Variants in DDR2 observed in about 807,000 individuals in gnomAD.
DDR2 encodes the protein discoidin domain-containing receptor 2.
A neutral mutation model predicts 94.9 loss-of-function variants in DDR2; 27 were observed. The ratio of observed to expected loss-of-function variants is 0.28; its 90% CI spans 0.21 to 0.39. The LOEUF (loss-of-function observed/expected upper bound fraction) is 0.39, where lower values mean the gene tolerates loss of function less well. DDR2 is among the 10% of genes least tolerant of loss of function. The probability of loss-of-function intolerance (pLI) is 1.00; values close to 1 mark genes in which losing one functional copy is unlikely to be tolerated. For synonymous variants in DDR2, 382 were observed against 377.2 expected (o/e 1.01, Z -0.15); for missense variants, 783 against 1,076.0 (o/e 0.73, Z 3.81).
intron 3 of DDR2, among the ~76,000 whole-genome samples, chr1:162,729,294 A>ATTTT (rs1455925320): frequency 2.0e-4 from 6 of 30,026 alleles, no homozygotes; most frequent in African/African-American, 5.0e-4. Context: ...ATATATATAT[A>ATTTT]TATATATTTT....
At chr1:162,710,229 C>A (rs1432098300) in intron 2 of DDR2, among the ~76,000 whole-genome samples, 5 of 152,136 alleles carry the variant, frequency 3.3e-5, no homozygotes, top group Non-Finnish European at 7.4e-5. Context: ...TGGAGGGGAG[C>A]AAAGTAGTCT....
intron 2 of DDR2, among the ~76,000 whole-genome samples, chr1:162,659,637 C>T (rs1277344071): frequency 6.6e-5 from 10 of 152,144 alleles, no homozygotes; most frequent in Non-Finnish European, 2.9e-5. Flanking sequence ...GTGCGTTTTA[C>T]GTGCTCTAGC....
At chr1:162,688,798 A>G (rs527320252) in intron 2 of DDR2, among the ~76,000 whole-genome samples, 1 of 152,282 alleles carries the variant, frequency 6.6e-6, no homozygotes, top group East Asian at 1.9e-4. Flanking sequence ...GGAAAGTACC[A>G]AGAAGTAAAG....
At chr1:162,740,183 A>G (rs1662520614) in intron 3 of DDR2, among the ~76,000 whole-genome samples, 1 of 152,150 alleles carries the variant, frequency 6.6e-6, no homozygotes, top group African/African-American at 2.4e-5. Context: ...TGCAGGGGAG[A>G]TAGGACTCAC....
At chr1:162,748,585 A>C (rs561777275) in intron 3 of DDR2, among the ~76,000 whole-genome samples, 2 of 152,318 alleles carry the variant, frequency 1.3e-5, no homozygotes, top group East Asian at 3.9e-4. Flanking sequence ...TGTCAACATT[A>C]GACAGATCAA....
chr1:162,634,441 A>G (rs1656715819), intron 1 of DDR2, among the ~76,000 whole-genome samples: 1 of 152,214 alleles, frequency 6.6e-6, no homozygotes, highest in Non-Finnish European at 1.5e-5. Context: ...TCAAGGGCTT[A>G]CCCATATCAG....
At chr1:162,670,834 G>A (rs1210554587) in intron 2 of DDR2, among the ~76,000 whole-genome samples, 1 of 152,200 alleles carries the variant, frequency 6.6e-6, no homozygotes, top group Non-Finnish European at 1.5e-5. Context: ...CCAGAAGAAA[G>A]TGGTTATGTT....
At chr1:162,639,404 CA>C (rs1391336848) in intron 1 of DDR2, among the ~76,000 whole-genome samples, 1 of 152,164 alleles carries the variant, frequency 6.6e-6, no homozygotes, top group Admixed American at 6.6e-5. Context: ...GTATTTTCAA[CA>C]AATGGTGCTG....
intron 9 of DDR2, among the ~76,000 whole-genome samples, chr1:162,764,189 G>A (rs1262876766): frequency 6.6e-6 from 1 of 152,128 alleles, no homozygotes; most frequent in African/African-American, 2.4e-5. Context: ...ATACAGTTAG[G>A]TTCATTGTAT....
intron 9 of DDR2, among the ~76,000 whole-genome samples, chr1:162,765,787 A>G (rs1415614359): frequency 6.7e-6 from 1 of 149,492 alleles, no homozygotes; most frequent in Non-Finnish European, 1.5e-5. Context: ...AGTATGTAAT[A>G]TGTGAAACAA....
chr1:162,729,349 T>C (rs1661905792), intron 3 of DDR2, among the ~76,000 whole-genome samples: 1 of 146,546 alleles, frequency 6.8e-6, no homozygotes. Context: ...ATTGTTGACT[T>C]AGCTCTTGGT....
intron 1 of DDR2, among the ~76,000 whole-genome samples, chr1:162,653,123 CAAACAAACA>C (rs1432677389): frequency 1.1e-5 from 1 of 87,428 alleles, no homozygotes; most frequent in Admixed American, 1.2e-4. Flanking sequence ...AACAAGCAAA[CAAACAAACA>C]AAGAAACTTT....
At chr1:162,706,588 G>C (rs1046750890) in intron 2 of DDR2, among the ~76,000 whole-genome samples, 2 of 152,188 alleles carry the variant, frequency 1.3e-5, no homozygotes, top group African/African-American at 4.8e-5. Flanking sequence ...GGCATTCTGA[G>C]AATGAGATTG....
chr1:162,676,575 G>A (rs1020678553), intron 2 of DDR2, among the ~76,000 whole-genome samples: 2 of 152,160 alleles, frequency 1.3e-5, no homozygotes, highest in African/African-American at 4.8e-5. Context: ...CTCAAACATA[G>A]ACTCCAAAGC....
At chr1:162,637,304 T>C (rs145855891) in intron 1 of DDR2, among the ~76,000 whole-genome samples, 1 of 152,168 alleles carries the variant, frequency 6.6e-6, no homozygotes, top group Non-Finnish European at 1.5e-5. Context: ...TGAACTGTAA[T>C]TTAAAAATAA....
At position 162,676,937 on chromosome 1, in the gene DDR2, A is replaced by G. The variant is rs539352025; in HGVS notation, c.-28+21563A>G. ...CCATGCTCAGTTTTCTATTTTCTTT[A>G]TAGTGGAAAAGTCAATGCCCTTCCT... is the stretch of plus-strand genomic sequence containing the variant. On this transcript the variant is annotated intron_variant, in intron 2 of 17. Transcript: ENST00000367921. Among the ~76,000 whole-genome samples, 105 of 152,150 alleles carry G rather than the reference A, an allele frequency of 6.9e-4. 1 individual carries two copies. Among genetic ancestry groups the G allele is most frequent in the Non-Finnish European group, 7.2e-4 (49 of 68,022 alleles).
At chr1:162,765,971 T>C (rs1264134476) in intron 9 of DDR2, 30 bp from the exon 10 acceptor site, 6 of 1,613,088 alleles carry the variant, frequency 3.7e-6, no homozygotes, top group Non-Finnish European at 4.2e-6. Context: ...GTCTTCTCCC[T>C]GGCTCTGACT....
Position 162,778,627 on chromosome 1 carries a change from G to A in DDR2, c.2331G>A (p.Leu777=), listed in dbSNP as rs747306067. 34 of 1,613,930 alleles carry A rather than the reference G, an allele frequency of 2.1e-5. No individual in the cohort carries two copies. Among genetic ancestry groups the A allele is most frequent in the Non-Finnish European group, 2.8e-5 (33 of 1,179,960 alleles). Residue 777 remains leucine, a synonymous_variant, in exon 17 of 18, where the codon TTG becomes TTA. Coordinates refer to ENST00000367921, the MANE Select transcript of DDR2 (RefSeq NM_006182.4). The part of the protein sequence containing the change: ...ASDVWAFGVT[L]WETFTFCQEQ... ...ATGTGTGGGCCTTTGGGGTTACTTT[G>A]TGGGAGACTTTCACCTTTTGTCAAG...
At chr1:162,779,863 A>T (rs565561351) in intron 17 of DDR2, among the ~76,000 whole-genome samples, 2 of 152,292 alleles carry the variant, frequency 1.3e-5, no homozygotes, top group Admixed American at 6.5e-5. Context: ...GGGACCACAT[A>T]ATGGCCCATC....
Sources: allele counts gnomAD v4.1 joint callset (sites outside exome capture counted in the v4.1 genomes callset), GRCh38; gene constraint gnomAD v4.1.1; transcripts MANE v1.5; gene names NCBI Gene and HGNC (gene_info 2026-07-23, HGNC 2026-07-21).